The following KCNJ3 variants were observed in gnomAD, a reference collection of about 807,000 sequenced individuals.
KCNJ3 encodes G protein-activated inward rectifier potassium channel 1.
A neutral mutation model predicts 39.2 loss-of-function variants in KCNJ3; 4 were observed. That is an observed-to-expected ratio of 0.10 (90% CI 0.05 to 0.23). The LOEUF is 0.23. Ranked by LOEUF, KCNJ3 falls within the 10% of genes least tolerant of loss-of-function variation. KCNJ3 has a pLI of 1.00. For missense variants in KCNJ3, 276 were observed against 634.9 expected (o/e 0.43, Z 6.08); for synonymous variants, 230 against 237.4 (o/e 0.97, Z 0.29).
chr2:154,831,808 T>C (rs1687368566), intron 2 of KCNJ3, among the ~76,000 whole-genome samples: 1 of 152,184 alleles, frequency 6.6e-6, no homozygotes, highest in Non-Finnish European at 1.5e-5. Context: ...GGTGGGGATG[T>C]ATCTTAGTCC....
At chr2:154,793,483 T>C (rs1686671506) in intron 2 of KCNJ3, among the ~76,000 whole-genome samples, 1 of 152,024 alleles carries the variant, frequency 6.6e-6, no homozygotes, top group Non-Finnish European at 1.5e-5. Context: ...TAACATCTTT[T>C]TCAAAAAATA....
At chr2:154,782,172 G>A (rs956240898) in intron 2 of KCNJ3, among the ~76,000 whole-genome samples, 8 of 152,222 alleles carry the variant, frequency 5.3e-5, no homozygotes, top group Non-Finnish European at 7.4e-5. Flanking sequence ...ATTGTAATGC[G>A]TCAGAAGAAG....
At chr2:154,839,467 G>A (rs887949737) in intron 2 of KCNJ3, among the ~76,000 whole-genome samples, 1 of 152,138 alleles carries the variant, frequency 6.6e-6, no homozygotes, top group Non-Finnish European at 1.5e-5. Context: ...GGATTGCTGG[G>A]TCAAATGGTA....
chr2:154,747,467 A>AT (rs934785424), intron 2 of KCNJ3, among the ~76,000 whole-genome samples: 2 of 151,928 alleles, frequency 1.3e-5, no homozygotes, highest in Admixed American at 6.6e-5. Context: ...AGTGCCCAGG[A>AT]TTTTTTTGTT....
At chr2:154,779,116 T>C (rs183495143) in intron 2 of KCNJ3, among the ~76,000 whole-genome samples, 44 of 152,220 alleles carry the variant, frequency 2.9e-4, no homozygotes, top group Non-Finnish European at 5.6e-4. Context: ...AAATGATTTA[T>C]TCTATTCTTG....
Position 154,855,239 on chromosome 2 carries a change from G to A in KCNJ3, c.1432G>A (p.Ala478Thr). The A allele has an allele frequency of 6.2e-7, 1 of 1,613,766 alleles. No individual in the cohort carries two copies. Among genetic ancestry groups the A allele is most frequent in the Non-Finnish European group, 8.5e-7 (1 of 1,179,926 alleles). ...ADLPPKLQKM[A>T]GGAARMEGNL... ...TTTGCCACCAAAGCTTCAAAAGATG[G>A]CTGGAGGAGCAGCTAGGATGGAAGG... Residue 478 changes from alanine to threonine, a missense_variant, in exon 3 of 3, where the codon GCT becomes ACT. Physicochemically the swap from Ala to Thr is moderately conservative, Grantham distance 58. This residue lies in a region of KCNJ3 where 126 missense variants were observed against 179.8 expected (regional missense o/e 0.70). Transcript: ENST00000295101.
intron 2 of KCNJ3, among the ~76,000 whole-genome samples, chr2:154,816,039 C>G (rs1687078184): frequency 1.3e-5 from 2 of 152,130 alleles, no homozygotes; most frequent in Admixed American, 6.6e-5. Flanking sequence ...CTTTTTTTCT[C>G]TTTTCATTAG....
chr2:154,743,487 T>A (rs1685687158), intron 2 of KCNJ3, among the ~76,000 whole-genome samples: 1 of 151,750 alleles, frequency 6.6e-6, no homozygotes, highest in Non-Finnish European at 1.5e-5. Context: ...AGATGGGATG[T>A]CTTTCTGTTT....
intron 2 of KCNJ3, among the ~76,000 whole-genome samples, chr2:154,821,635 A>ATTGTTTTT (rs1687181940): frequency 1.1e-5 from 1 of 88,072 alleles, no homozygotes; most frequent in Non-Finnish European, 2.1e-5. Flanking sequence ...AGAATATGTG[A>ATTGTTTTT]TTTTTTTTTT....
At chr2:154,829,786 CTAATAA>C (rs139096386) in intron 2 of KCNJ3, among the ~76,000 whole-genome samples, 6 of 152,072 alleles carry the variant, frequency 3.9e-5, no homozygotes, top group East Asian at 1.9e-4. Context: ...ATAAGAAATA[CTAATAA>C]TAACATTCTT....
chr2:154,766,567 TA>T (rs1686139777), intron 2 of KCNJ3, among the ~76,000 whole-genome samples: 1 of 152,014 alleles, frequency 6.6e-6, no homozygotes, highest in Admixed American at 6.6e-5. Context: ...TTATTTTATA[TA>T]TTTTTTGAGA....
At chr2:154,743,454 C>T (rs1685686790) in intron 2 of KCNJ3, among the ~76,000 whole-genome samples, 1 of 151,678 alleles carries the variant, frequency 6.6e-6, no homozygotes, top group South Asian at 2.1e-4. Flanking sequence ...GACATCTTAA[C>T]AATATTGTCT....
At chr2:154,853,737 T>C (rs915352082) in intron 2 of KCNJ3, among the ~76,000 whole-genome samples, 3 of 152,148 alleles carry the variant, frequency 2.0e-5, no homozygotes, top group African/African-American at 7.2e-5. Context: ...AAATGAATAT[T>C]CACAAGTTGA....
intron 1 of KCNJ3, among the ~76,000 whole-genome samples, chr2:154,703,252 G>A (rs1325495277): frequency 6.6e-6 from 1 of 151,936 alleles, no homozygotes; most frequent in Non-Finnish European, 1.5e-5. Flanking sequence ...ATAAACTATG[G>A]TTGCATTCAT....
At chr2:154,804,213 C>T (rs1014795672) in intron 2 of KCNJ3, among the ~76,000 whole-genome samples, 2 of 152,036 alleles carry the variant, frequency 1.3e-5, no homozygotes, top group Non-Finnish European at 2.9e-5. Flanking sequence ...GCACAACCTG[C>T]GATACATAGG....
At chr2:154,831,389 T>C (rs1026921119) in intron 2 of KCNJ3, among the ~76,000 whole-genome samples, 3 of 152,216 alleles carry the variant, frequency 2.0e-5, no homozygotes, top group African/African-American at 7.2e-5. Context: ...CTTTAAATAT[T>C]AATAATTACG....
chr2:154,735,068 C>CGTGTGTGTGTGTGTGT (rs1171630763), intron 2 of KCNJ3, among the ~76,000 whole-genome samples: 2 of 103,722 alleles, frequency 1.9e-5, no homozygotes, highest in Non-Finnish European at 1.9e-5. Flanking sequence ...CCCTTGTAGG[C>CGTGTGTGTGTGTGTGT]CTGTGTGTGT....
chr2:154,738,743 A>G (rs1238963902), intron 2 of KCNJ3, among the ~76,000 whole-genome samples: 1 of 152,120 alleles, frequency 6.6e-6, no homozygotes, highest in Admixed American at 6.6e-5. Flanking sequence ...TGAAAGGGAG[A>G]AAAGAAGCCA....
chr2:154,739,642 T>C (rs1432147933), intron 2 of KCNJ3, among the ~76,000 whole-genome samples: 1 of 152,020 alleles, frequency 6.6e-6, no homozygotes, highest in Non-Finnish European at 1.5e-5. Context: ...ATCTGAGTCT[T>C]TCAAATACTT....
Sources: gnomAD v4.1 joint callset for allele counts (sites outside exome capture counted in the v4.1 genomes callset) on GRCh38, gnomAD v4.1.1 for gene constraint, gnomAD v4.1.1 regional missense constraint, MANE v1.5 for transcripts, NCBI Gene and HGNC (gene_info 2026-07-23, HGNC 2026-07-21) for gene names.